RAVER2: variants seen among roughly 807,000 people sequenced by gnomAD.
The protein encoded by RAVER2 is ribonucleoprotein, PTB binding 2.
A neutral mutation model predicts 78.1 loss-of-function variants in RAVER2; 46 were observed. The ratio of observed to expected loss-of-function variants is 0.59; its 90% CI spans 0.46 to 0.75. The LOEUF is 0.75. Among genes scored for constraint, RAVER2 ranks in the 30% least tolerant of loss-of-function variants. The pLI, the probability that RAVER2 is intolerant of heterozygous loss-of-function variation, is 0.00. For synonymous variants in RAVER2, 311 were observed against 313.3 expected (o/e 0.99, Z 0.08); for missense variants, 793 against 837.5 (o/e 0.95, Z 0.66).
chr1:64,777,191 T>C (rs1011091319), intron 2 of RAVER2, among the ~76,000 whole-genome samples: 3 of 152,194 alleles, frequency 2.0e-5, no homozygotes, highest in African/African-American at 7.2e-5. Context: ...TAGAACTCTT[T>C]CTAGGAAGAA....
rs190270162 is a variant in RAVER2 at position 64,829,460 on chromosome 1, C to T, written c.1930-1379C>T. ...AACATTCAGAAAGATCACCTACCAG[C>T]GAAGGGGCCCTAATGAAGAAGGCAG... On this transcript the variant is annotated intron_variant, in intron 11 of 11. Coordinates refer to ENST00000294428, the Ensembl canonical transcript of RAVER2. Among the ~76,000 whole-genome samples, 688 of 152,276 alleles carry T rather than the reference C, an allele frequency of 4.5e-3. 4 individuals carry two copies. Among genetic ancestry groups the T allele is most frequent in the Middle Eastern group, 0.031 (9 of 294 alleles).
chr1:64,792,636 A>G (rs1475984812), intron 5 of RAVER2, among the ~76,000 whole-genome samples: 1 of 152,146 alleles, frequency 6.6e-6, no homozygotes, highest in Non-Finnish European at 1.5e-5. Context: ...TGAATATTAC[A>G]CTGATGCAGA....
At chr1:64,807,256 T>A (rs375842758) in exon 9 of RAVER2, 49 of 1,614,062 alleles carry the variant, frequency 3.0e-5, no homozygotes, top group Non-Finnish European at 3.6e-5. Context: ...AATGGGCATG[T>A]TACCATTCTT....
intron 2 of RAVER2, among the ~76,000 whole-genome samples, chr1:64,773,191 A>AT (rs531349520): frequency 4.2e-4 from 63 of 151,490 alleles, no homozygotes; most frequent in Admixed American, 7.2e-4. Context: ...AAGTATTAGG[A>AT]TTTTTTTTTA....
intron 3 of RAVER2, among the ~76,000 whole-genome samples, chr1:64,778,498 A>G (rs1269438707): frequency 6.6e-6 from 1 of 152,200 alleles, no homozygotes; most frequent in African/African-American, 2.4e-5. Context: ...GAGACGGACA[A>G]GTAAGCAAAT....
exon 9 of RAVER2, chr1:64,807,377 A>G (rs1325988841): frequency 1.2e-6 from 2 of 1,614,174 alleles, no homozygotes; most frequent in Admixed American, 1.7e-5. Context: ...TCGCAGCCTT[A>G]TCTTCAGAGC....
At chr1:64,822,736 C>G (rs1000072365) in intron 11 of RAVER2, among the ~76,000 whole-genome samples, 5 of 152,200 alleles carry the variant, frequency 3.3e-5, no homozygotes, top group Non-Finnish European at 7.3e-5. Flanking sequence ...TGTGTACATG[C>G]ATTGGCACAG....
At chr1:64,779,121 T>C (rs527725909) in intron 3 of RAVER2, among the ~76,000 whole-genome samples, 1 of 152,008 alleles carries the variant, frequency 6.6e-6, no homozygotes, top group East Asian at 1.9e-4. Context: ...CACATAGTTA[T>C]CATTTTTGTG....
chr1:64,814,926 A>G (rs558209714), intron 11 of RAVER2, 86 bp downstream of exon 11: 502 of 1,211,372 alleles, frequency 4.1e-4, no homozygotes, highest in Non-Finnish European at 5.0e-4. Flanking sequence ...TGTGATTTCT[A>G]TATTATTAAC....
At chr1:64,752,137 C>G (rs938871793) in intron 1 of RAVER2, among the ~76,000 whole-genome samples, 1 of 152,176 alleles carries the variant, frequency 6.6e-6, no homozygotes, top group Non-Finnish European at 1.5e-5. Flanking sequence ...CCCTTCTCAC[C>G]CACTCCTTAT....
At chr1:64,781,652 GTAAT>G in intron 4 of RAVER2, 81 bp downstream of exon 4, 6 of 1,303,660 alleles carry the variant, frequency 4.6e-6, no homozygotes, top group Non-Finnish European at 6.2e-6. Flanking sequence ...TCTAGCCAAA[GTAAT>G]TGATTGTCGA....
chr1:64,797,521 A>G (rs1312558331), intron 5 of RAVER2, among the ~76,000 whole-genome samples: 1 of 152,200 alleles, frequency 6.6e-6, no homozygotes, highest in African/African-American at 2.4e-5. Flanking sequence ...GAGTTGTTGA[A>G]ATTTTTAATC....
chr1:64,778,057 A>T (rs1652521286), exon 3 of RAVER2: 3 of 1,613,374 alleles, frequency 1.9e-6, no homozygotes, highest in African/African-American at 1.3e-5. Flanking sequence ...GCTGTTGCAA[A>T]TTTTTTCCAG....
chr1:64,767,973 T>C (rs1652217899), intron 1 of RAVER2, among the ~76,000 whole-genome samples: 1 of 152,056 alleles, frequency 6.6e-6, no homozygotes, highest in Non-Finnish European at 1.5e-5. Context: ...TAAACCAGTT[T>C]AAACATCTTG....
intron 2 of RAVER2, among the ~76,000 whole-genome samples, chr1:64,770,840 AG>A (rs1652296119): frequency 6.6e-6 from 1 of 151,952 alleles, no homozygotes; most frequent in African/African-American, 2.4e-5. Context: ...ACACTGTGGA[AG>A]AAAAAATTAG....
intron 1 of RAVER2, among the ~76,000 whole-genome samples, chr1:64,762,745 A>G (rs1318893833): frequency 6.6e-6 from 1 of 152,230 alleles, no homozygotes; most frequent in Admixed American, 6.5e-5. Context: ...GATGGCTTAT[A>G]GTCTAAATGT....
chr1:64,763,829 G>A (rs1333447126), intron 1 of RAVER2, among the ~76,000 whole-genome samples: 2 of 149,676 alleles, frequency 1.3e-5, no homozygotes, highest in Admixed American at 1.3e-4. Flanking sequence ...CTTGAACCCA[G>A]GAGGTGGAGG....
exon 10 of RAVER2, chr1:64,812,819 G>C: frequency 1.2e-6 from 2 of 1,611,634 alleles, no homozygotes; most frequent in Non-Finnish European, 1.7e-6. Context: ...CTTGAATTTG[G>C]CAAGTGTGTT....
At chr1:64,790,461 C>A (rs753379808) in intron 5 of RAVER2, among the ~76,000 whole-genome samples, 1 of 152,030 alleles carries the variant, frequency 6.6e-6, no homozygotes. Context: ...TAATAATGGC[C>A]CCAAAGCGCA....
Sources: allele counts gnomAD v4.1 joint callset (sites outside exome capture counted in the v4.1 genomes callset), GRCh38; gene constraint gnomAD v4.1.1; transcripts MANE v1.5; gene names NCBI Gene and HGNC (gene_info 2026-07-23, HGNC 2026-07-21).